CCDC144A: variants seen among roughly 807,000 people sequenced by gnomAD.
CCDC144A encodes the protein coiled-coil domain-containing protein 144A.
CCDC144A carries 41 observed loss-of-function variants against 143.8 expected under a neutral mutation model. That is an observed-to-expected ratio of 0.29 (90% CI 0.22 to 0.37). The LOEUF (loss-of-function observed/expected upper bound fraction) is 0.37. Among genes scored for constraint, CCDC144A ranks in the 10% least tolerant of loss-of-function variants. The pLI is 1.00. For missense variants in CCDC144A, 637 were observed against 1,488.8 expected (o/e 0.43, Z 9.41); for synonymous variants, 242 against 517.9 (o/e 0.47, Z 7.23).
At chr17:16,703,823 A>C (rs1911884372) in intron 2 of CCDC144A, among the ~76,000 whole-genome samples, 3 of 152,088 alleles carry the variant, frequency 2.0e-5, no homozygotes, top group Non-Finnish European at 2.9e-5. Flanking sequence ...CAAACGAACA[A>C]AAAAACACAA....
In CCDC144A at chr17:16,702,944, G is replaced by A. The variant is rs929082069; in HGVS notation, c.416-2207G>A. 8.6e-5 allele frequency among the ~76,000 whole-genome samples: 13 copies of A among 152,028 alleles called. No individual in the cohort carries two copies. The South Asian group carries it at 1.2e-3, about 15-fold the overall frequency. On this transcript the variant is annotated intron_variant, in intron 2 of 16. Transcript: ENST00000399273. ...TTAAGTTTAATTATTTCATCATAGT[G>A]TGGCTATACTGATGATTTTAAGCCA...
intron 12 of CCDC144A, among the ~76,000 whole-genome samples, chr17:16,754,078 T>C (rs11651482): frequency 0.16 from 23,697 of 150,882 alleles, 2,055 homozygotes; most frequent in African/African-American, 0.33. Flanking sequence ...CTTCCAGGAA[T>C]GTATCCATTT....
intron 13 of CCDC144A, among the ~76,000 whole-genome samples, chr17:16,761,979 G>T (rs2649377): frequency 6.6e-6 from 1 of 152,048 alleles, no homozygotes; most frequent in Non-Finnish European, 1.5e-5. Flanking sequence ...GACTAATAGG[G>T]AAAGTAAAAA....
upstream of CCDC144A, among the ~76,000 whole-genome samples, chr17:16,687,888 A>G (rs978757972): frequency 2.6e-5 from 4 of 151,796 alleles, no homozygotes; most frequent in African/African-American, 9.7e-5. Context: ...TGAGTAGCAC[A>G]CTAATTTTTT....
intron 12 of CCDC144A, among the ~76,000 whole-genome samples, chr17:16,761,068 C>A (rs1307871080): frequency 6.6e-6 from 1 of 150,828 alleles, no homozygotes; most frequent in African/African-American, 2.4e-5. Flanking sequence ...TGGCTCACGT[C>A]TGTAATCTCA....
intron 12 of CCDC144A, among the ~76,000 whole-genome samples, chr17:16,743,992 A>G (rs1914376536): frequency 6.6e-6 from 1 of 152,206 alleles, no homozygotes; most frequent in Non-Finnish European, 1.5e-5. Context: ...AGCTGCATCC[A>G]TGTTGCTGCA....
At chr17:16,707,406 A>G (rs903940127) in intron 3 of CCDC144A, 63 bp from the exon 4 acceptor site, 2 of 861,248 alleles carry the variant, frequency 2.3e-6, no homozygotes, top group Admixed American at 6.0e-5. Flanking sequence ...ATCTATTTTT[A>G]TAAAGACTAT....
In CCDC144A at chr17:16,690,697, C is replaced by A; in HGVS notation, c.297C>A (p.Ile99=). 6.2e-7 allele frequency: 1 copy of A among 1,613,628 alleles called. No individual in the cohort carries two copies. ...GCGACGTCCCTGGGGTGGAGCACAT[C>A]TTAGCTCCTGGAGACACTGGCGTGG... The part of the protein sequence containing the change: ...RSGDVPGVEH[I]LAPGDTGVDK... Residue 99 remains isoleucine (I), a synonymous_variant, in exon 1 of 17, where the codon ATC becomes ATA. Transcript: ENST00000399273.
intron 15 of CCDC144A, among the ~76,000 whole-genome samples, chr17:16,771,123 A>C (rs2656411): frequency 5.3e-5 from 8 of 152,376 alleles, no homozygotes; most frequent in Non-Finnish European, 1.2e-4. Flanking sequence ...AAAATTAAAT[A>C]AGAGCACTCT....
At position 16,762,411 on chromosome 17, in the gene CCDC144A, A is replaced by G. The variant is rs1164005750; in HGVS notation, c.3765A>G (p.Glu1255=). The change falls in exon 14 of 17, where the codon GAA becomes GAG. Residue 1255 remains glutamate (E), a synonymous_variant. Coordinates refer to ENST00000399273, the MANE Select transcript of CCDC144A (RefSeq NM_001382000.1). ...TQMELTIKDL[E]SEISRIKTSQ... ...TGGAACTCACAATCAAAGATCTGGA[A>G]TCTGAAATCTCCAGAATAAAAACTT... The G allele has an allele frequency of 6.3e-7, 1 of 1,580,634 alleles. No homozygotes were observed. The highest frequency in any genetic ancestry group is 8.6e-7 in the Non-Finnish European group (1 of 1,164,770).
rs1914903273 is a variant in CCDC144A, at chr17:16,753,429, T to TTTTTTGTTGTTGTTGTTG, written c.3373-7991_3373-7990insGTTGTTGTTGTTGTTTTT. 2.1e-3 allele frequency among the ~76,000 whole-genome samples: 110 copies of TTTTTTGTTGTTGTTGTTG among 52,092 alleles called. 2 individuals carry two copies. The highest frequency in any genetic ancestry group is 5.8e-3 in the South Asian group (12 of 2,068). The allele number at this position is 52,092 out of a possible 152,430, so 34.2% of individuals were successfully genotyped here. On this transcript the variant is annotated intron_variant, in intron 12 of 16. Coordinates refer to ENST00000399273, the MANE Select transcript of CCDC144A (RefSeq NM_001382000.1). ...AATTTCTTTTGTCAGTGTTTTGTAG[T>TTTTTTGTTGTTGTTGTTG]TTTTTTTTTTTTTTTTTTTTTTTTT...
At chr17:16,704,080 A>C (rs2143091279) in intron 2 of CCDC144A, among the ~76,000 whole-genome samples, 1 of 152,344 alleles carries the variant, frequency 6.6e-6, no homozygotes, top group South Asian at 2.1e-4. Context: ...GGTTGTGGAT[A>C]AATGCACCCT....
At chr17:16,671,021 C>T in the CCDC144A span, among the ~76,000 whole-genome samples, 2 of 151,636 alleles carry the variant, frequency 1.3e-5, no homozygotes, top group African/African-American at 4.8e-5. Flanking sequence ...ACCATCTCAC[C>T]CTGTCACCTG....
chr17:16,669,382 C>T, the CCDC144A span, among the ~76,000 whole-genome samples: 1 of 152,166 alleles, frequency 6.6e-6, no homozygotes, highest in Non-Finnish European at 1.5e-5. Flanking sequence ...AATTACAGTC[C>T]ACCCGGAACA....
At chr17:16,691,861 G>A (rs1300985781) in intron 1 of CCDC144A, 1 of 152,178 alleles carries the variant, frequency 6.6e-6, no homozygotes, top group East Asian at 1.9e-4. Flanking sequence ...CATGGCCCCT[G>A]CCTGCATAAG....
chr17:16,717,014 C>A (rs1194367537), intron 6 of CCDC144A, among the ~76,000 whole-genome samples: 1 of 151,318 alleles, frequency 6.6e-6, no homozygotes, highest in South Asian at 2.1e-4. Flanking sequence ...GGGGTTTCAC[C>A]GTGGTCTCGA....
the CCDC144A span, among the ~76,000 whole-genome samples, chr17:16,677,132 C>T: frequency 6.6e-6 from 1 of 152,012 alleles, no homozygotes; most frequent in Admixed American, 6.6e-5. Flanking sequence ...TGTCCTCTTC[C>T]TCTTTTGCAT....
intron 12 of CCDC144A, among the ~76,000 whole-genome samples, chr17:16,742,065 G>C (rs1460114452): frequency 6.6e-6 from 1 of 151,652 alleles, no homozygotes; most frequent in Non-Finnish European, 1.5e-5. Context: ...CGCCAAGCCT[G>C]GGTGACAGAG....
At chr17:16,728,413 T>C (rs1380781479) in intron 9 of CCDC144A, among the ~76,000 whole-genome samples, 1 of 152,158 alleles carries the variant, frequency 6.6e-6, no homozygotes, top group Admixed American at 6.5e-5. Flanking sequence ...CAATATAGAA[T>C]TATTGGTTGA....
Sources: allele counts gnomAD v4.1 joint callset (sites outside exome capture counted in the v4.1 genomes callset), GRCh38; gene constraint gnomAD v4.1.1; transcripts MANE v1.5; gene names NCBI Gene and HGNC (gene_info 2026-07-23, HGNC 2026-07-21).